The following CAMK2D variants were observed in gnomAD, a reference collection of about 807,000 sequenced individuals.
The protein encoded by CAMK2D is calcium/calmodulin dependent protein kinase II delta.
Under a neutral mutation model 84.0 loss-of-function variants are expected in CAMK2D, and 37 were observed. That is an observed-to-expected ratio of 0.44 (90% confidence interval 0.34 to 0.58). The LOEUF (loss-of-function observed/expected upper bound fraction) is 0.58. Among genes scored for constraint, CAMK2D ranks in the 20% least tolerant of loss-of-function variants. The pLI, the probability that CAMK2D is intolerant of heterozygous loss-of-function variation, is 0.02. For synonymous variants in CAMK2D, 202 were observed against 212.5 expected, an observed-to-expected ratio of 0.95 and a Z score of 0.43; for missense variants, 448 against 652.5, an observed-to-expected ratio of 0.69 and a Z score of 3.41.
intron 6 of CAMK2D, among the ~76,000 whole-genome samples, chr4:113,545,017 A>C (rs764321436): frequency 6.6e-6 from 1 of 152,198 alleles, no homozygotes; most frequent in Non-Finnish European, 1.5e-5. Context: ...CAGTTATTCA[A>C]CTAAATAGTG....
At chr4:113,534,622 C>T (rs1302715851) in intron 7 of CAMK2D, among the ~76,000 whole-genome samples, 1 of 152,148 alleles carries the variant, frequency 6.6e-6, no homozygotes, top group Non-Finnish European at 1.5e-5. Context: ...CTTTTACTGA[C>T]CTGATATTCA....
intron 15 of CAMK2D, among the ~76,000 whole-genome samples, chr4:113,502,412 C>A (rs2098061428): frequency 7.3e-6 from 1 of 136,136 alleles, no homozygotes; most frequent in African/African-American, 2.8e-5. Flanking sequence ...ACAACAATAA[C>A]AACAATAACA....
At chr4:113,646,038 GGGA>G (rs2099150633) in intron 3 of CAMK2D, among the ~76,000 whole-genome samples, 1 of 152,228 alleles carries the variant, frequency 6.6e-6, no homozygotes, top group Admixed American at 6.5e-5. Context: ...TAGCAAGTCA[GGGA>G]GAAGTCAATT....
At chr4:113,719,978 G>T (rs868778186) in intron 2 of CAMK2D, among the ~76,000 whole-genome samples, 3 of 152,106 alleles carry the variant, frequency 2.0e-5, no homozygotes, top group Admixed American at 1.3e-4. Flanking sequence ...AACCAGAGGT[G>T]ATTGATTAGA....
intron 8 of CAMK2D, among the ~76,000 whole-genome samples, chr4:113,518,334 T>A (rs777831841): frequency 6.6e-6 from 1 of 152,134 alleles, no homozygotes; most frequent in Non-Finnish European, 1.5e-5. Context: ...AATAAACACA[T>A]GGCTGTAATA....
intron 17 of CAMK2D, among the ~76,000 whole-genome samples, chr4:113,463,711 T>C (rs1007178360): frequency 6.6e-6 from 1 of 152,220 alleles, no homozygotes; most frequent in African/African-American, 2.4e-5. Flanking sequence ...TTGTAATAAT[T>C]ATGTACATAG....
rs367599478 is a variant in CAMK2D, at chr4:113,606,560, A to T, written c.275+2592T>A. ...AGACTTGAAGACAGAACAATAATAAATTACCCAAACTAAACAACAGAAAGA... is the reference window on the plus strand; with the variant it reads ...AGACTTGAAGACAGAACAATAATAATTTACCCAAACTAAACAACAGAAAGA... On this transcript the variant is annotated intron_variant, in intron 4 of 20. Coordinates refer to ENST00000511664, the MANE Select transcript of CAMK2D (RefSeq NM_001321571.2). Among the ~76,000 whole-genome samples, 13 of 151,994 alleles carry T rather than the reference A, an allele frequency of 8.6e-5. No homozygotes were observed. The East Asian group carries it at 1.2e-3, about 14-fold the overall frequency.
intron 3 of CAMK2D, among the ~76,000 whole-genome samples, chr4:113,627,326 C>A (rs1440454227): frequency 1.3e-5 from 2 of 152,022 alleles, no homozygotes; most frequent in South Asian, 2.1e-4. Context: ...ACAGGTGATT[C>A]TTATTATCTG....
chr4:113,542,692 G>A (rs1290724042), intron 6 of CAMK2D, among the ~76,000 whole-genome samples: 1 of 149,450 alleles, frequency 6.7e-6, no homozygotes, highest in East Asian at 1.9e-4. Context: ...TCCAGCCTGG[G>A]CAACAGAGCG....
rs189158262 is a variant in CAMK2D, at chr4:113,572,150, T to G, written c.276-20054A>C. On this transcript the variant is annotated intron_variant, in intron 4 of 20. Transcript: ENST00000511664. Reference sequence around the variant, plus strand: ...GTGCTAAACTTCCAGAGTTGACACATTCTTCCTTTCTACAGGATACCTTAC... The same window carrying G: ...GTGCTAAACTTCCAGAGTTGACACAGTCTTCCTTTCTACAGGATACCTTAC... Among the ~76,000 whole-genome samples the G allele has an allele frequency of 3.3e-5, 5 of 152,282 alleles. No homozygotes were observed. The East Asian group carries it at 9.6e-4, about 29-fold the overall frequency.
At chr4:113,525,963 AATG>A (rs1452461463) in intron 8 of CAMK2D, among the ~76,000 whole-genome samples, 1 of 152,204 alleles carries the variant, frequency 6.6e-6, no homozygotes, top group East Asian at 1.9e-4. Flanking sequence ...TGGTGATTAC[AATG>A]ATGATGAGTT....
chr4:113,702,806 G>A (rs923429728), intron 2 of CAMK2D, among the ~76,000 whole-genome samples: 1 of 152,106 alleles, frequency 6.6e-6, no homozygotes, highest in Non-Finnish European at 1.5e-5. Flanking sequence ...TACTCAGGAA[G>A]CTGAGTCATG....
chr4:113,686,236 T>C (rs1262937195), intron 2 of CAMK2D, among the ~76,000 whole-genome samples: 1 of 152,200 alleles, frequency 6.6e-6, no homozygotes, highest in African/African-American at 2.4e-5. Flanking sequence ...ATAACTGATA[T>C]TTATCTACAT....
Position 113,693,708 on chromosome 4 carries a change from T to C in CAMK2D, c.161-31936A>G, listed in dbSNP as rs560326019. ...ATCTGCTGTGAAATCTGAGGACAGA[T>C]ATGGCTATCACCAAACACAAGTATA... On this transcript the variant is annotated intron_variant, in intron 2 of 20. Transcript: ENST00000511664. Among the ~76,000 whole-genome samples, 206 of 152,306 alleles carry C rather than the reference T, an allele frequency of 1.4e-3. 1 individual carries two copies. Among genetic ancestry groups the C allele is most frequent in the African/African-American group, 4.7e-3 (195 of 41,572 alleles).
At chr4:113,521,036 C>G (rs1051042355) in intron 8 of CAMK2D, among the ~76,000 whole-genome samples, 2 of 152,076 alleles carry the variant, frequency 1.3e-5, no homozygotes, top group African/African-American at 4.8e-5. Flanking sequence ...AACAAACAAA[C>G]AAAATGATGA....
chr4:113,602,286 A>AT (rs1480137512), intron 4 of CAMK2D, among the ~76,000 whole-genome samples: 1 of 152,016 alleles, frequency 6.6e-6, no homozygotes, highest in Non-Finnish European at 1.5e-5. Context: ...CATAATACGG[A>AT]TTTTCTCTGA....
chr4:113,572,940 G>C (rs1459047713), intron 4 of CAMK2D, among the ~76,000 whole-genome samples: 2 of 152,076 alleles, frequency 1.3e-5, no homozygotes, highest in African/African-American at 4.8e-5. Context: ...ACTAACACAG[G>C]AACAGAAAAC....
chr4:113,614,970 A>G lies in CAMK2D; in HGVS notation c.221-5764T>C, dbSNP rs558095934. Among the ~76,000 whole-genome samples, 4 of 152,300 alleles carry G rather than the reference A, an allele frequency of 2.6e-5. 1 individual carries two copies. In the South Asian group the frequency reaches 8.3e-4, roughly 32 times the overall value. ...ACTAATAGAGTAATTCATACAGAACAGATTGTATTATATCCTCATAATCAT... is the reference window on the plus strand; with the variant it reads ...ACTAATAGAGTAATTCATACAGAACGGATTGTATTATATCCTCATAATCAT... On this transcript the variant is annotated intron_variant, in intron 3 of 20. Transcript: ENST00000511664.
At chr4:113,565,488 C>T (rs917842237) in intron 4 of CAMK2D, among the ~76,000 whole-genome samples, 1 of 151,648 alleles carries the variant, frequency 6.6e-6, no homozygotes, top group African/African-American at 2.4e-5. Flanking sequence ...CCGTCTCTAC[C>T]AAAAATACAA....
Sources: allele counts gnomAD v4.1 joint callset (sites outside exome capture counted in the v4.1 genomes callset), GRCh38; gene constraint gnomAD v4.1.1; transcripts MANE v1.5; gene names NCBI Gene and HGNC (gene_info 2026-07-23, HGNC 2026-07-21).